Variants in CADM2 observed in about 807,000 individuals in gnomAD.
CADM2 encodes the protein immunoglobulin superfamily member 4D.
In CADM2, 12 loss-of-function variants were observed where a neutral mutation model predicts 49.8. That is an observed-to-expected ratio of 0.24 (90% confidence interval 0.15 to 0.39). CADM2 has a LOEUF of 0.39. Ranked by LOEUF, CADM2 falls within the 10% of genes least tolerant of loss-of-function variation. CADM2 has a pLI of 1.00. For missense variants in CADM2, 378 were observed against 492.3 expected (o/e 0.77, Z 2.20); for synonymous variants, 214 against 175.4 (o/e 1.22, Z -1.74).
intron 1 of CADM2, among the ~76,000 whole-genome samples, chr3:85,086,660 A>G (rs147080435): frequency 0.043 from 6,528 of 151,628 alleles, 165 homozygotes; most frequent in South Asian, 0.046. Flanking sequence ...GCAGGTGTGC[A>G]CCACCATGCC....
intron 1 of CADM2, among the ~76,000 whole-genome samples, chr3:85,442,070 A>G (rs1203006147): frequency 1.3e-5 from 2 of 152,108 alleles, no homozygotes; most frequent in Non-Finnish European, 1.5e-5. Flanking sequence ...CATGTTGAAA[A>G]TAGGCAAAAT....
intron 1 of CADM2, among the ~76,000 whole-genome samples, chr3:85,241,175 T>C (rs1447106593): frequency 6.6e-6 from 1 of 151,360 alleles, no homozygotes; most frequent in East Asian, 1.9e-4. Context: ...AAAGCAACAA[T>C]AAAATTTTAT....
At chr3:85,988,917 A>G (rs549049120) in intron 8 of CADM2, among the ~76,000 whole-genome samples, 2 of 152,316 alleles carry the variant, frequency 1.3e-5, no homozygotes, top group Admixed American at 1.3e-4. Context: ...ACATGAAATT[A>G]CATCAGAGTC....
At chr3:85,007,363 T>C (rs2033782280) in intron 1 of CADM2, among the ~76,000 whole-genome samples, 1 of 152,124 alleles carries the variant, frequency 6.6e-6, no homozygotes, top group African/African-American at 2.4e-5. Flanking sequence ...CAACTACTCA[T>C]TGTTGCATAA....
intron 2 of CADM2, among the ~76,000 whole-genome samples, chr3:85,752,472 G>GCACACACACA (rs3044028): frequency 3.1e-4 from 46 of 147,898 alleles, no homozygotes; most frequent in African/African-American, 8.1e-4. Context: ...ATGTGTGCGT[G>GCACACACACA]CACACACACA....
chr3:85,803,488 G>GATAGATAGACAA (rs2072188750), intron 3 of CADM2, among the ~76,000 whole-genome samples: 1 of 119,770 alleles, frequency 8.3e-6, no homozygotes, highest in Non-Finnish European at 1.8e-5. Flanking sequence ...CAGACAGATA[G>GATAGATAGACAA]ATAGATAGAT....
intron 1 of CADM2, among the ~76,000 whole-genome samples, chr3:85,664,405 G>T (rs765819463): frequency 1.3e-5 from 2 of 151,922 alleles, no homozygotes; most frequent in Non-Finnish European, 1.5e-5. Context: ...CATTTCAAGT[G>T]TAGCAATTCC....
chr3:85,935,956 C>T (rs1721146703), intron 7 of CADM2, 99 bp downstream of exon 7: 1 of 609,022 alleles, frequency 1.6e-6, no homozygotes, highest in Non-Finnish European at 2.9e-6. Context: ...TGTGTCTTTT[C>T]TTGGTGGGCA....
At chr3:85,697,637 T>C (rs2066611438) in intron 1 of CADM2, among the ~76,000 whole-genome samples, 2 of 152,184 alleles carry the variant, frequency 1.3e-5, no homozygotes, top group African/African-American at 4.8e-5. Context: ...TAAATAGATA[T>C]TTACATGGTC....
At chr3:85,038,829 G>T (rs967091405) in intron 1 of CADM2, among the ~76,000 whole-genome samples, 1 of 151,828 alleles carries the variant, frequency 6.6e-6, no homozygotes, top group Non-Finnish European at 1.5e-5. Flanking sequence ...ATAATGCCAA[G>T]ATAAAAGAAA....
chr3:85,902,132 CTT>C lies in CADM2; in HGVS notation c.530-10240_530-10239del, dbSNP rs1308397621. On this transcript the variant is annotated intron_variant, in intron 5 of 9. Coordinates refer to ENST00000383699, the MANE Select transcript of CADM2 (RefSeq NM_001167675.2). Reference sequence around the variant, plus strand: ...TGTGTAGAAATATGCTTTCAATTCTCTTGAGTATATTCCTGAGAACAGTATTG... The same window carrying C: ...TGTGTAGAAATATGCTTTCAATTCTCGAGTATATTCCTGAGAACAGTATTG... 2.0e-5 allele frequency among the ~76,000 whole-genome samples: 3 copies of C among 152,078 alleles called. No homozygotes were observed. In the South Asian group the frequency reaches 6.2e-4, roughly 32 times the overall value.
intron 3 of CADM2, among the ~76,000 whole-genome samples, chr3:85,863,064 G>A (rs2075596143): frequency 6.6e-6 from 1 of 152,134 alleles, no homozygotes; most frequent in South Asian, 2.1e-4. Flanking sequence ...AAATGTATGG[G>A]TAATGGGTTG....
chr3:85,912,381 T>C lies in CADM2; in HGVS notation c.538T>C (p.Tyr180His), dbSNP rs1213071265. ...TCATATTTTATTTTCAGATGTAAAA[T>C]ATTTAAAAGAAGAGGATGCAAATCG... is the stretch of plus-strand genomic sequence containing the variant. The part of the protein sequence containing the change: ...KNDKEIKDVK[Y>H]LKEEDANRKT... The change falls in exon 6 of 10, where the codon TAT becomes CAT. Residue 180 changes from tyrosine to histidine, a missense_variant. By Grantham distance (83) the Tyr-to-His change is moderately conservative. Transcript: ENST00000383699. 6.2e-7 allele frequency: 1 copy of C among 1,604,634 alleles called. No individual in the cohort carries two copies. The highest frequency in any genetic ancestry group is 1.7e-5 in the Admixed American group (1 of 58,592).
At position 85,506,706 on chromosome 3, in the gene CADM2, A is replaced by G. The variant is rs925711631; in HGVS notation, c.62-219816A>G. On this transcript the variant is annotated intron_variant, in intron 1 of 9. Coordinates refer to ENST00000383699, the MANE Select transcript of CADM2 (RefSeq NM_001167675.2). ...CACACCATACCCCATGGCTTCTGCT[A>G]TTTACTCCTCAGTCTGTTTGGCCTT... 2.4e-4 allele frequency among the ~76,000 whole-genome samples: 36 copies of G among 152,128 alleles called. No individual in the cohort carries two copies. In the East Asian group the frequency reaches 3.5e-3, roughly 15 times the overall value.
At chr3:85,273,586 A>AC (rs147347174) in intron 1 of CADM2, among the ~76,000 whole-genome samples, 10,044 of 149,908 alleles carry the variant, frequency 0.067, 1,052 homozygotes, top group African/African-American at 0.23. Flanking sequence ...GCGAAGGAGG[A>AC]CCCCCCCCAA....
At chr3:85,510,679 C>T (rs1403668501) in intron 1 of CADM2, among the ~76,000 whole-genome samples, 1 of 151,976 alleles carries the variant, frequency 6.6e-6, no homozygotes, top group Non-Finnish European at 1.5e-5. Flanking sequence ...ATTGGATACT[C>T]ACTTAACTCA....
chr3:85,052,422 A>T (rs10490897), intron 1 of CADM2, among the ~76,000 whole-genome samples: 15,552 of 152,080 alleles, frequency 0.1, 1,446 homozygotes, highest in African/African-American at 0.25. Flanking sequence ...CAGGAGTTTG[A>T]TAACTGTTTG....
At chr3:85,107,412 T>A (rs2038272343) in intron 1 of CADM2, among the ~76,000 whole-genome samples, 1 of 152,054 alleles carries the variant, frequency 6.6e-6, no homozygotes, top group African/African-American at 2.4e-5. Context: ...ATATACCACT[T>A]CGCAACATTA....
chr3:85,465,591 T>C (rs1215961528), intron 1 of CADM2, among the ~76,000 whole-genome samples: 1 of 152,178 alleles, frequency 6.6e-6, no homozygotes, highest in Non-Finnish European at 1.5e-5. Flanking sequence ...ATTTTACCAA[T>C]TTGGAAATTA....
Sources: allele counts gnomAD v4.1 joint callset (sites outside exome capture counted in the v4.1 genomes callset), GRCh38; gene constraint gnomAD v4.1.1; transcripts MANE v1.5; gene names NCBI Gene and HGNC (gene_info 2026-07-23, HGNC 2026-07-21).